The following FSTL5 variants were observed in gnomAD, a reference collection of about 807,000 sequenced individuals.
The protein encoded by FSTL5 is follistatin like 5, also known as follistatin-related protein 5.
In FSTL5, 62 loss-of-function variants were observed where a neutral mutation model predicts 89.1. The observed-to-expected ratio is 0.70, with a 90% CI of 0.57 to 0.86. The LOEUF is 0.86. Ranked by LOEUF, FSTL5 falls within the 40% of genes least tolerant of loss-of-function variation. The pLI is 0.00. For synonymous variants in FSTL5, 383 were observed against 346.2 expected, an observed-to-expected ratio of 1.11 and a Z score of -1.18; for missense variants, 1,057 against 1,001.6, an observed-to-expected ratio of 1.06 and a Z score of -0.75.
chr4:161,851,552 T>C (rs1731549799), intron 4 of FSTL5, among the ~76,000 whole-genome samples: 1 of 152,152 alleles, frequency 6.6e-6, no homozygotes. Flanking sequence ...CATATGTATA[T>C]GCATACATTT....
intron 15 of FSTL5, among the ~76,000 whole-genome samples, chr4:161,414,540 AG>A (rs1731707710): frequency 1.3e-5 from 2 of 152,196 alleles, no homozygotes; most frequent in Admixed American, 6.5e-5. Flanking sequence ...TTGAGTTCAA[AG>A]GGGCCATTTA....
intron 5 of FSTL5, among the ~76,000 whole-genome samples, chr4:161,763,837 C>T (rs1474240756): frequency 2.6e-5 from 4 of 152,126 alleles, no homozygotes; most frequent in Non-Finnish European, 4.4e-5. Flanking sequence ...AAGTATACCC[C>T]TTCGGTGAGA....
intron 9 of FSTL5, 38 bp downstream of exon 9, chr4:161,542,494 A>G (rs1019792759): frequency 8.4e-6 from 11 of 1,304,674 alleles, no homozygotes; most frequent in Non-Finnish European, 1.1e-5. Context: ...AATTTTCAAC[A>G]TGGTCATTTA....
At chr4:162,054,470 CA>C (rs1738475238) in intron 2 of FSTL5, among the ~76,000 whole-genome samples, 1 of 151,460 alleles carries the variant, frequency 6.6e-6, no homozygotes, top group Admixed American at 6.6e-5. Flanking sequence ...TGTATAAGGA[CA>C]GAGAAAAAAC....
intron 12 of FSTL5, among the ~76,000 whole-genome samples, chr4:161,488,835 G>C (rs1729769372): frequency 6.6e-6 from 1 of 152,032 alleles, no homozygotes; most frequent in East Asian, 1.9e-4. Flanking sequence ...GAAGTTTGCT[G>C]TGCATGTTCA....
At chr4:162,101,963 A>G (rs1200035305) in intron 2 of FSTL5, among the ~76,000 whole-genome samples, 1 of 152,204 alleles carries the variant, frequency 6.6e-6, no homozygotes. Flanking sequence ...TTTTTAACTC[A>G]TAACCCTTTT....
At chr4:161,663,985 A>T (rs1246730529) in intron 6 of FSTL5, among the ~76,000 whole-genome samples, 1 of 152,208 alleles carries the variant, frequency 6.6e-6, no homozygotes, top group East Asian at 1.9e-4. Flanking sequence ...CCCAAGCTGT[A>T]CATTGGCCCC....
chr4:161,693,636 C>CTTTTTT lies in FSTL5; in HGVS notation c.728-37148_728-37143dup, dbSNP rs5863476. Among the ~76,000 whole-genome samples, 35 of 105,312 alleles carry CTTTTTT rather than the reference C, an allele frequency of 3.3e-4. 4 individuals carry two copies. In the East Asian group the frequency reaches 3.7e-3, roughly 11 times the overall value. The allele number at this position is 105,312 out of a possible 152,430, so 69.1% of individuals were successfully genotyped here. A position where few individuals can be genotyped will look rare whatever the true frequency, so the allele number is the denominator to read the frequency against. On this transcript the variant is annotated intron_variant, in intron 6 of 15. Transcript: ENST00000306100. Reference sequence around the variant, plus strand: ...ATGTTGATAGTATTTTCTTGTAAATCTTTTTTTTTTTTTTTTTTTTGAGAC... The same window carrying CTTTTTT: ...ATGTTGATAGTATTTTCTTGTAAATCTTTTTTTTTTTTTTTTTTTTTTTTTTGAGAC...
intron 4 of FSTL5, among the ~76,000 whole-genome samples, chr4:161,875,420 C>A (rs1207504887): frequency 6.6e-6 from 1 of 152,016 alleles, no homozygotes; most frequent in Non-Finnish European, 1.5e-5. Flanking sequence ...AGGAGTGTGA[C>A]CTTTGTAACT....
intron 2 of FSTL5, among the ~76,000 whole-genome samples, chr4:162,081,588 T>C (rs1730100444): frequency 6.6e-6 from 1 of 151,624 alleles, no homozygotes; most frequent in African/African-American, 2.4e-5. Context: ...AATCAAGCCA[T>C]AGAAAAATGG....
chr4:161,423,180 C>T (rs929135087), intron 15 of FSTL5, among the ~76,000 whole-genome samples: 57 of 152,096 alleles, frequency 3.7e-4, no homozygotes, highest in Non-Finnish European at 8.1e-4. Flanking sequence ...CCATTTCCCT[C>T]ATATGGAAAG....
chr4:161,394,268 A>G (rs1165563046), intron 15 of FSTL5, among the ~76,000 whole-genome samples: 1 of 152,020 alleles, frequency 6.6e-6, no homozygotes, highest in African/African-American at 2.4e-5. Context: ...TAGGTAAAAT[A>G]CCCATTTTTT....
intron 2 of FSTL5, among the ~76,000 whole-genome samples, chr4:162,074,658 C>A (rs1729764247): frequency 6.6e-6 from 1 of 151,562 alleles, no homozygotes; most frequent in Non-Finnish European, 1.5e-5. Flanking sequence ...AAATAAAAAT[C>A]ATATATATTT....
At chr4:161,779,446 T>G (rs1001811216) in intron 4 of FSTL5, among the ~76,000 whole-genome samples, 4 of 151,986 alleles carry the variant, frequency 2.6e-5, no homozygotes, top group African/African-American at 7.2e-5. Context: ...GCTTCCCATG[T>G]GTCAGAAACT....
intron 3 of FSTL5, among the ~76,000 whole-genome samples, chr4:162,014,485 G>A (rs1736859788): frequency 6.7e-6 from 1 of 148,844 alleles, no homozygotes; most frequent in African/African-American, 2.5e-5. Flanking sequence ...TAATAATTTA[G>A]ATGATGATGT....
At chr4:162,052,284 A>C (rs1171605758) in intron 2 of FSTL5, among the ~76,000 whole-genome samples, 2 of 151,562 alleles carry the variant, frequency 1.3e-5, no homozygotes, top group African/African-American at 4.8e-5. Flanking sequence ...ACAAACAACA[A>C]CAAAAAAATC....
At position 161,656,483 on chromosome 4, in the gene FSTL5, A is replaced by T. The variant is rs1294984053; in HGVS notation, c.739T>A (p.Leu247Met). The change falls in exon 7 of 16, where the codon TTG becomes ATG. Residue 247 changes from leucine (L) to methionine (M), a missense_variant. Physicochemically the swap from Leu to Met is conservative, Grantham distance 15 (BLOSUM62 2). This residue lies in a region of FSTL5 where 980 missense variants were observed against 903.2 expected (regional missense o/e 1.08). Coordinates refer to ENST00000306100, the MANE Select transcript of FSTL5 (RefSeq NM_020116.5). ...AGTTTCTGATCTTCTGGCAGACTCAACTGGATCACTTCTGTAAAGATGAAG... is the reference window on the plus strand; with the variant it reads ...AGTTTCTGATCTTCTGGCAGACTCATCTGGATCACTTCTGTAAAGATGAAG... ...EFYRAFQVIQ[L>M]SLPEDQKLSI... The T allele has an allele frequency of 6.3e-7, 1 of 1,587,920 alleles. No individual in the cohort carries two copies. The highest frequency in any genetic ancestry group is 1.2e-5 in the South Asian group (1 of 86,264).
At chr4:161,761,145 C>T (rs375565309) in intron 5 of FSTL5, among the ~76,000 whole-genome samples, 3 of 152,318 alleles carry the variant, frequency 2.0e-5, no homozygotes, top group African/African-American at 7.2e-5. Context: ...TCTGGTTTAA[C>T]TGACCCATAT....
chr4:162,126,330 A>G (rs2111446276), intron 1 of FSTL5, among the ~76,000 whole-genome samples: 1 of 152,244 alleles, frequency 6.6e-6, no homozygotes, highest in East Asian at 1.9e-4. Flanking sequence ...TAACTTTATT[A>G]AAATCTTAGA....
Sources: gnomAD v4.1 joint callset for allele counts (sites outside exome capture counted in the v4.1 genomes callset) on GRCh38, gnomAD v4.1.1 for gene constraint, gnomAD v4.1.1 regional missense constraint, MANE v1.5 for transcripts, NCBI Gene and HGNC (gene_info 2026-07-23, HGNC 2026-07-21) for gene names.